Variants in XKR9 observed in about 807,000 individuals in gnomAD.
The protein encoded by XKR9 is XK related 9.
XKR9 carries 32 observed loss-of-function variants against 32.0 expected under a neutral mutation model. The ratio of observed to expected loss-of-function variants is 1.00; its 90% confidence interval spans 0.76 to 1.34. The LOEUF (loss-of-function observed/expected upper bound fraction) is 1.34, where lower values mean the gene tolerates loss of function less well. Among genes scored for constraint, XKR9 ranks in the 40% most tolerant of loss-of-function variants. The pLI is 0.00. For missense variants in XKR9, 546 were observed against 429.7 expected (o/e 1.27, Z -2.39); for synonymous variants, 168 against 143.4 (o/e 1.17, Z -1.22).
chr8:70,689,943 G>A (rs576147221), intron 3 of XKR9, among the ~76,000 whole-genome samples: 6 of 152,148 alleles, frequency 3.9e-5, no homozygotes, highest in Non-Finnish European at 7.4e-5. Context: ...TATAGGAGTA[G>A]GGTAGAGTTT....
intron 3 of XKR9, among the ~76,000 whole-genome samples, chr8:70,690,159 A>C (rs148262384): frequency 3.2e-4 from 48 of 152,130 alleles, no homozygotes; most frequent in African/African-American, 1.2e-3. Flanking sequence ...TACATAGATA[A>C]ACACGTGTCA....
At chr8:71,034,387 C>A in the XKR9 span, among the ~76,000 whole-genome samples, 1 of 152,138 alleles carries the variant, frequency 6.6e-6, no homozygotes, top group African/African-American at 2.4e-5. Flanking sequence ...AATTTCCTGA[C>A]GCCTCCCCAG....
the XKR9 span, among the ~76,000 whole-genome samples, chr8:70,885,056 A>G: frequency 0.32 from 48,173 of 151,654 alleles, 8,949 homozygotes; most frequent in Non-Finnish European, 0.43. Context: ...TCTTTCACAG[A>G]GTTTTGTAGT....
chr8:71,041,323 T>C, the XKR9 span, among the ~76,000 whole-genome samples: 1 of 152,152 alleles, frequency 6.6e-6, no homozygotes, highest in Non-Finnish European at 1.5e-5. Flanking sequence ...TTGGGGGAAT[T>C]TTCTGAAAAA....
chr8:70,999,983 T>C, the XKR9 span, among the ~76,000 whole-genome samples: 1 of 152,214 alleles, frequency 6.6e-6, no homozygotes, highest in Non-Finnish European at 1.5e-5. Context: ...CAATTTCTCT[T>C]TCATTCTTTC....
chr8:70,753,750 C>T (rs1333875310), intron 2 of XKR9, among the ~76,000 whole-genome samples: 31 of 151,162 alleles, frequency 2.1e-4, no homozygotes, highest in South Asian at 4.2e-4. Context: ...AAATTAGGTA[C>T]TGATGGGACG....
the XKR9 span, among the ~76,000 whole-genome samples, chr8:70,951,867 T>TGTGG: frequency 5.0e-5 from 7 of 138,944 alleles, no homozygotes; most frequent in African/African-American, 1.6e-4. Flanking sequence ...ATAGCATCAT[T>TGTGG]GGGGGGGGGG....
At chr8:70,728,751 A>T (rs1167520912) in intron 4 of XKR9, among the ~76,000 whole-genome samples, 2 of 152,220 alleles carry the variant, frequency 1.3e-5, no homozygotes, top group African/African-American at 4.8e-5. Flanking sequence ...TTACAAAATG[A>T]ACTTTAGTCT....
chr8:70,710,832 A>C (rs561220377), intron 4 of XKR9, among the ~76,000 whole-genome samples: 1 of 152,326 alleles, frequency 6.6e-6, no homozygotes, highest in Admixed American at 6.5e-5. Context: ...AACTATCAGC[A>C]GAGTAAACAA....
At chr8:71,060,692 C>G in the XKR9 span, among the ~76,000 whole-genome samples, 1 of 151,756 alleles carries the variant, frequency 6.6e-6, no homozygotes, top group East Asian at 1.9e-4. Context: ...ATGGCATGCC[C>G]TAGAAAAAAA....
chr8:71,002,939 G>A, the XKR9 span, among the ~76,000 whole-genome samples: 1 of 152,214 alleles, frequency 6.6e-6, no homozygotes, highest in African/African-American at 2.4e-5. Flanking sequence ...CTGAGGGAAG[G>A]TGTCTCTTTG....
the XKR9 span, among the ~76,000 whole-genome samples, chr8:71,003,853 C>T: frequency 6.6e-6 from 1 of 152,158 alleles, no homozygotes; most frequent in African/African-American, 2.4e-5. Context: ...GTAATGTCCT[C>T]AGGAGTATTT....
At chr8:70,821,266 C>T in the XKR9 span, among the ~76,000 whole-genome samples, 2 of 152,264 alleles carry the variant, frequency 1.3e-5, no homozygotes, top group Non-Finnish European at 2.9e-5. Flanking sequence ...ACATCCAGGT[C>T]ACACTGATGC....
the XKR9 span, among the ~76,000 whole-genome samples, chr8:70,979,758 A>G: frequency 2.0e-5 from 3 of 152,190 alleles, no homozygotes; most frequent in Non-Finnish European, 2.9e-5. Context: ...CAGAGCTCAA[A>G]CATTGTGCTG....
the XKR9 span, among the ~76,000 whole-genome samples, chr8:70,878,707 G>C: frequency 6.6e-6 from 1 of 152,096 alleles, no homozygotes; most frequent in African/African-American, 2.4e-5. Flanking sequence ...ATAATAATGG[G>C]AGACTTTAAC....
the XKR9 span, among the ~76,000 whole-genome samples, chr8:70,939,083 GCTGGTCCTTGAAGCATGCA>G: frequency 6.6e-6 from 1 of 151,182 alleles, no homozygotes. Context: ...CATTAAAATT[GCTGGTCCTTGAAGCATGCA>G]CTGACATGAG....
chr8:71,034,660 C>A, the XKR9 span, among the ~76,000 whole-genome samples: 13 of 151,968 alleles, frequency 8.6e-5, no homozygotes, highest in African/African-American at 2.9e-4. Context: ...TCATCCTACC[C>A]ACTCATGTGA....
the XKR9 span, among the ~76,000 whole-genome samples, chr8:70,948,829 C>T: frequency 6.6e-6 from 1 of 152,114 alleles, no homozygotes; most frequent in East Asian, 1.9e-4. Context: ...GGAATAAAAG[C>T]TCAGGACAAA....
chr8:70,807,497 G>C, the XKR9 span, among the ~76,000 whole-genome samples: 1 of 152,164 alleles, frequency 6.6e-6, no homozygotes, highest in Non-Finnish European at 1.5e-5. Context: ...AGGCCCATTG[G>C]TGTGCTGAAT....
Sources: gnomAD v4.1 joint callset for allele counts (sites outside exome capture counted in the v4.1 genomes callset) on GRCh38, gnomAD v4.1.1 for gene constraint, MANE v1.5 for transcripts, NCBI Gene and HGNC (gene_info 2026-07-23, HGNC 2026-07-21) for gene names.